PTPRD: variants seen among roughly 807,000 people sequenced by gnomAD.
PTPRD encodes the protein receptor-type tyrosine-protein phosphatase delta.
A neutral mutation model predicts 214.5 loss-of-function variants in PTPRD; 34 were observed. The observed-to-expected ratio is 0.16, with a 90% CI of 0.12 to 0.21. The LOEUF is 0.21. PTPRD is among the 10% of genes least tolerant of loss of function. The pLI is 1.00. For synonymous variants in PTPRD, 1,128 were observed against 845.7 expected, an observed-to-expected ratio of 1.33 and a Z score of -5.79; for missense variants, 2,545 against 2,398.7, an observed-to-expected ratio of 1.06 and a Z score of -1.27.
At chr9:9,277,909 C>T (rs1046596855) in intron 9 of PTPRD, among the ~76,000 whole-genome samples, 20 of 151,326 alleles carry the variant, frequency 1.3e-4, no homozygotes, top group African/African-American at 4.1e-4. Context: ...CACATTCCTT[C>T]CAAACCTGAG....
At chr9:9,750,980 A>G (rs1294890750) in intron 6 of PTPRD, among the ~76,000 whole-genome samples, 1 of 152,094 alleles carries the variant, frequency 6.6e-6, no homozygotes, top group Non-Finnish European at 1.5e-5. Context: ...ATCACTGGAG[A>G]AAGAAATCAA....
intron 7 of PTPRD, among the ~76,000 whole-genome samples, chr9:9,612,795 A>C (rs1250684710): frequency 6.6e-6 from 1 of 152,120 alleles, no homozygotes; most frequent in East Asian, 1.9e-4. Flanking sequence ...GATATAAGAA[A>C]CACTTTGCTG....
intron 14 of PTPRD, among the ~76,000 whole-genome samples, chr9:8,605,880 T>C (rs2095179091): frequency 6.6e-6 from 1 of 152,178 alleles, no homozygotes; most frequent in Non-Finnish European, 1.5e-5. Flanking sequence ...CTGATACGAT[T>C]TGTAGCATGT....
intron 21 of PTPRD, among the ~76,000 whole-genome samples, chr9:8,511,288 C>G (rs1367517522): frequency 1.3e-5 from 2 of 152,082 alleles, no homozygotes; most frequent in South Asian, 2.1e-4. Flanking sequence ...ACCAGGTTGT[C>G]TGAACTTCCT....
chr9:8,484,702 C>T (rs776152042), intron 29 of PTPRD, among the ~76,000 whole-genome samples: 14 of 140,364 alleles, frequency 1.0e-4, no homozygotes, highest in African/African-American at 2.5e-4. Context: ...AAAAGCTCTA[C>T]GTTTCAACGT....
At chr9:9,606,215 A>AAGTCTAT (rs2094143581) in intron 7 of PTPRD, among the ~76,000 whole-genome samples, 3 of 152,244 alleles carry the variant, frequency 2.0e-5, no homozygotes, top group Admixed American at 2.0e-4. Flanking sequence ...TAAATGCCTA[A>AAGTCTAT]TAGACTTAGA....
chr9:8,315,288 TTTC>T lies in PTPRD; in HGVS notation c.*2583_*2585del, dbSNP rs1310559274. Reference sequence around the variant, plus strand: ...CGTCTATGGTATGCATCCCATTCATTTTCTTCTTCTGATTATTGTCATCTTTCC... The same window carrying T: ...CGTCTATGGTATGCATCCCATTCATTTTCTTCTGATTATTGTCATCTTTCC... On this transcript the variant is annotated 3_prime_UTR_variant, in exon 46 of 46. Coordinates refer to ENST00000381196, the MANE Select transcript of PTPRD (RefSeq NM_002839.4). 1 of 232,578 alleles carries T rather than the reference TTTC, an allele frequency of 4.3e-6. No homozygotes were observed. Among genetic ancestry groups the T allele is most frequent in the Non-Finnish European group, 8.5e-6 (1 of 117,416 alleles). The allele number at this position is 232,578 out of a possible 1,614,324, so 14.4% of individuals were successfully genotyped here.
At chr9:8,595,473 G>A (rs747623586) in intron 14 of PTPRD, among the ~76,000 whole-genome samples, 1 of 152,058 alleles carries the variant, frequency 6.6e-6, no homozygotes, top group Admixed American at 6.6e-5. Flanking sequence ...CTGGATATAA[G>A]CCATGAGTGG....
chr9:9,441,551 G>C (rs1247039834), intron 8 of PTPRD, among the ~76,000 whole-genome samples: 1 of 152,108 alleles, frequency 6.6e-6, no homozygotes, highest in African/African-American at 2.4e-5. Flanking sequence ...TAAATGATCT[G>C]TTCTCTGCTG....
At chr9:9,200,985 T>G (rs185679982) in intron 9 of PTPRD, among the ~76,000 whole-genome samples, 1 of 152,304 alleles carries the variant, frequency 6.6e-6, no homozygotes, top group East Asian at 1.9e-4. Flanking sequence ...ATATCTTAAA[T>G]TCTGTTCTAA....
intron 3 of PTPRD, among the ~76,000 whole-genome samples, chr9:10,176,170 T>A (rs1270579657): frequency 1.3e-5 from 2 of 152,002 alleles, no homozygotes; most frequent in African/African-American, 4.8e-5. Flanking sequence ...ATGCTTTGTA[T>A]TAACCTTTTA....
chr9:9,472,107 C>G (rs1006873050), intron 8 of PTPRD, among the ~76,000 whole-genome samples: 1 of 151,504 alleles, frequency 6.6e-6, no homozygotes, highest in Non-Finnish European at 1.5e-5. Context: ...TCTATTCTAC[C>G]TTATCATTTT....
At chr9:10,277,197 A>AAACATAAACATAAACATAC (rs1422881072) in intron 3 of PTPRD, among the ~76,000 whole-genome samples, 1 of 152,038 alleles carries the variant, frequency 6.6e-6, no homozygotes, top group Non-Finnish European at 1.5e-5. Flanking sequence ...CATAAACATA[A>AAACATAAACATAAACATAC]AACATAAACA....
chr9:9,781,878 C>T (rs1334498560), intron 5 of PTPRD, among the ~76,000 whole-genome samples: 2 of 151,732 alleles, frequency 1.3e-5, no homozygotes, highest in Non-Finnish European at 2.9e-5. Context: ...CTGCAAGCTC[C>T]GCCTCCCGAG....
At chr9:9,813,762 A>T (rs1001471631) in intron 5 of PTPRD, among the ~76,000 whole-genome samples, 1 of 152,134 alleles carries the variant, frequency 6.6e-6, no homozygotes, top group Non-Finnish European at 1.5e-5. Flanking sequence ...AACTCATTTT[A>T]AAAGGTCAGA....
chr9:9,371,853 T>C (rs1290861979), intron 9 of PTPRD, among the ~76,000 whole-genome samples: 8 of 152,074 alleles, frequency 5.3e-5, no homozygotes, highest in Admixed American at 2.0e-4. Context: ...TTTATTTCTG[T>C]CTTCATTTCG....
chr9:10,211,663 T>C (rs1323594970), intron 3 of PTPRD, among the ~76,000 whole-genome samples: 1 of 152,178 alleles, frequency 6.6e-6, no homozygotes, highest in African/African-American at 2.4e-5. Context: ...ATGGATGGAA[T>C]TGTGGCTACT....
intron 8 of PTPRD, among the ~76,000 whole-genome samples, chr9:9,467,604 A>AAAAAAAAAAAAAAAC (rs1390030330): frequency 6.7e-6 from 1 of 149,658 alleles, no homozygotes; most frequent in African/African-American, 2.4e-5. Flanking sequence ...AAAAAAAAAA[A>AAAAAAAAAAAAAAAC]AAAAAAGTTG....
intron 2 of PTPRD, among the ~76,000 whole-genome samples, chr9:10,344,824 G>C (rs2097035481): frequency 6.6e-6 from 1 of 152,060 alleles, no homozygotes; most frequent in Admixed American, 6.6e-5. Context: ...TTGGTTCTCT[G>C]TTTGTCTGTT....
Sources: gnomAD v4.1 joint callset for allele counts (sites outside exome capture counted in the v4.1 genomes callset) on GRCh38, gnomAD v4.1.1 for gene constraint, MANE v1.5 for transcripts, NCBI Gene and HGNC (gene_info 2026-07-23, HGNC 2026-07-21) for gene names.